MTRF1: variants seen among roughly 807,000 people sequenced by gnomAD.
The protein encoded by MTRF1 is mitochondrial translation release factor 1, also known as peptide chain release factor 1, mitochondrial.
MTRF1 carries 51 observed loss-of-function variants against 62.9 expected under a neutral mutation model. That is an observed-to-expected ratio of 0.81 (90% CI 0.65 to 1.02). The LOEUF is 1.02. Among genes scored for constraint, MTRF1 ranks in the 50% least tolerant of loss-of-function variants. MTRF1 has a pLI of 0.00. For missense variants in MTRF1, 446 were observed against 530.0 expected, an observed-to-expected ratio of 0.84 and a Z score of 1.56; for synonymous variants, 158 against 181.9, an observed-to-expected ratio of 0.87 and a Z score of 1.06.
At chr13:41,273,649 T>C in the MTRF1 span, among the ~76,000 whole-genome samples, 2 of 151,530 alleles carry the variant, frequency 1.3e-5, no homozygotes, top group African/African-American at 2.4e-5. Context: ...ACCAGCATGA[T>C]CAACATGGAG....
At chr13:41,278,370 G>T in the MTRF1 span, among the ~76,000 whole-genome samples, 1 of 152,208 alleles carries the variant, frequency 6.6e-6, no homozygotes, top group South Asian at 2.1e-4. Flanking sequence ...GTGGGCCCAA[G>T]CATAGGGGCT....
At chr13:41,268,049 T>C (rs2040860358), upstream of MTRF1, among the ~76,000 whole-genome samples, 1 of 152,250 alleles carries the variant, frequency 6.6e-6, no homozygotes, top group Non-Finnish European at 1.5e-5. Context: ...CTGAAAACCA[T>C]ATTAAGCAAT....
chr13:41,234,857 T>C (rs982901334), intron 6 of MTRF1, among the ~76,000 whole-genome samples: 29 of 151,944 alleles, frequency 1.9e-4, no homozygotes, highest in African/African-American at 7.0e-4. Flanking sequence ...AGAATGGAGG[T>C]GTAGGGGGCA....
the MTRF1 span, among the ~76,000 whole-genome samples, chr13:41,296,587 T>C: frequency 6.6e-6 from 1 of 152,190 alleles, no homozygotes; most frequent in Non-Finnish European, 1.5e-5. Context: ...ATAACAATAA[T>C]ATTAGATCTT....
At chr13:41,300,478 C>T in the MTRF1 span, among the ~76,000 whole-genome samples, 12 of 150,734 alleles carry the variant, frequency 8.0e-5, no homozygotes, top group African/African-American at 2.4e-4. Context: ...CCCAGCTACT[C>T]GGGAGGCTGA....
At chr13:41,275,104 G>A in the MTRF1 span, among the ~76,000 whole-genome samples, 1 of 152,118 alleles carries the variant, frequency 6.6e-6, no homozygotes, top group Non-Finnish European at 1.5e-5. Context: ...AACAGTTGTT[G>A]GCTGAAGATT....
At chr13:41,285,834 C>T in the MTRF1 span, among the ~76,000 whole-genome samples, 1 of 151,834 alleles carries the variant, frequency 6.6e-6, no homozygotes, top group African/African-American at 2.4e-5. Context: ...TAATCCCAAC[C>T]CTGCAGATTG....
At chr13:41,219,695 C>T (rs185545484) in intron 9 of MTRF1, among the ~76,000 whole-genome samples, 91 of 152,146 alleles carry the variant, frequency 6.0e-4, no homozygotes, top group South Asian at 4.6e-3. Context: ...TGGGCATTTC[C>T]ATCAAAAGAA....
chr13:41,310,695 A>C, the MTRF1 span, among the ~76,000 whole-genome samples: 4 of 152,174 alleles, frequency 2.6e-5, no homozygotes, highest in African/African-American at 4.8e-5. Flanking sequence ...AAACAAAAAC[A>C]AAGATTGTAA....
chr13:41,288,159 C>T, the MTRF1 span: 5 of 507,376 alleles, frequency 9.9e-6, no homozygotes, highest in African/African-American at 7.9e-5. Flanking sequence ...TCCCATAAGC[C>T]CAGATTCACT....
rs2037904862 is a variant in MTRF1 at position 41,244,064 on chromosome 13, G to C, written c.698-3631C>G. Among the ~76,000 whole-genome samples the C allele has an allele frequency of 2.0e-5, 3 of 152,164 alleles. No homozygotes were observed. The South Asian group carries it at 6.2e-4, about 32-fold the overall frequency. On this transcript the variant is annotated intron_variant, in intron 5 of 9. Coordinates refer to ENST00000379480, the MANE Select transcript of MTRF1 (RefSeq NM_004294.4). ...AATGTTCACCCCTACTCCTTATTTT[G>C]CTATCTCTCATTTCAGTTGTCTGAA... is the stretch of plus-strand genomic sequence containing the variant.
At chr13:41,276,432 A>G in the MTRF1 span, among the ~76,000 whole-genome samples, 2 of 152,068 alleles carry the variant, frequency 1.3e-5, no homozygotes, top group Non-Finnish European at 2.9e-5. Flanking sequence ...TTGGCCTCCT[A>G]AAGTGCTGGG....
intron 8 of MTRF1, among the ~76,000 whole-genome samples, chr13:41,224,936 G>T (rs2034088300): frequency 6.6e-6 from 1 of 152,134 alleles, no homozygotes; most frequent in South Asian, 2.1e-4. Context: ...TGTGGGCTGG[G>T]TGCAGTGGCT....
chr13:41,310,464 A>C, the MTRF1 span, among the ~76,000 whole-genome samples: 2 of 152,208 alleles, frequency 1.3e-5, no homozygotes, highest in Admixed American at 1.3e-4. Flanking sequence ...CGAGGTCAAG[A>C]GATCAAGACC....
chr13:41,267,488 T>C (rs1400182600), upstream of MTRF1, among the ~76,000 whole-genome samples: 2 of 152,234 alleles, frequency 1.3e-5, no homozygotes, highest in Admixed American at 6.5e-5. Flanking sequence ...TTACTCATTC[T>C]TCATTGATTA....
At position 41,221,317 on chromosome 13, in the gene MTRF1, C is replaced by T. The variant is rs554856534; in HGVS notation, c.1224+1939G>A. ...GACTACAGGTGCCCACCACCATGCC[C>T]GGCTAATTTTTTTTTGTATTTTTAG... On this transcript the variant is annotated intron_variant, in intron 9 of 9. Transcript: ENST00000379480. Among the ~76,000 whole-genome samples, 593 of 151,924 alleles carry T rather than the reference C, an allele frequency of 3.9e-3. 2 individuals are homozygous for T. The highest frequency in any genetic ancestry group is 6.7e-3 in the Non-Finnish European group (456 of 67,970).
intron 5 of MTRF1, among the ~76,000 whole-genome samples, chr13:41,247,919 A>G (rs1050908401): frequency 1.3e-5 from 2 of 152,210 alleles, no homozygotes; most frequent in Non-Finnish European, 2.9e-5. Context: ...ACAAGCCCCT[A>G]TCCTGACTAG....
chr13:41,300,032 T>C, the MTRF1 span, among the ~76,000 whole-genome samples: 2 of 152,202 alleles, frequency 1.3e-5, no homozygotes, highest in African/African-American at 4.8e-5. Context: ...GAGATCGTTG[T>C]TGACTCCAGC....
At chr13:41,266,429 C>T (rs1389035861), upstream of MTRF1, among the ~76,000 whole-genome samples, 5 of 151,658 alleles carry the variant, frequency 3.3e-5, no homozygotes, top group African/African-American at 7.3e-5. Flanking sequence ...CTAGTCAACA[C>T]GGTGAAACCC....
Sources: gnomAD v4.1 joint callset for allele counts (sites outside exome capture counted in the v4.1 genomes callset) on GRCh38, gnomAD v4.1.1 for gene constraint, MANE v1.5 for transcripts, NCBI Gene and HGNC (gene_info 2026-07-23, HGNC 2026-07-21) for gene names.